Variants in NRG1 observed in about 807,000 individuals in gnomAD.
NRG1 encodes neuregulin 1.
A neutral mutation model predicts 63.8 loss-of-function variants in NRG1; 18 were observed. The ratio of observed to expected loss-of-function variants is 0.28; its 90% CI spans 0.19 to 0.42. The LOEUF is 0.42. Ranked by LOEUF, NRG1 falls within the 10% of genes least tolerant of loss-of-function variation. The pLI, the probability that NRG1 is intolerant of heterozygous loss-of-function variation, is 1.00. For synonymous variants in NRG1, 302 were observed against 301.3 expected, an observed-to-expected ratio of 1.00 and a Z score of -0.02; for missense variants, 762 against 814.7, an observed-to-expected ratio of 0.94 and a Z score of 0.79.
intron 1 of NRG1, among the ~76,000 whole-genome samples, chr8:32,180,651 A>C (rs1273345997): frequency 6.6e-6 from 1 of 152,110 alleles, no homozygotes; most frequent in African/African-American, 2.4e-5. Context: ...TAAAACATAT[A>C]TATGTATATT....
chr8:31,853,246 T>C (rs970155232), intron 1 of NRG1, among the ~76,000 whole-genome samples: 17 of 152,200 alleles, frequency 1.1e-4, no homozygotes, highest in Admixed American at 7.2e-4. Flanking sequence ...CCCATGAGCA[T>C]GGAATGTTCT....
intron 7 of NRG1, among the ~76,000 whole-genome samples, chr8:32,752,258 C>T (rs1451565602): frequency 1.3e-5 from 2 of 152,046 alleles, no homozygotes; most frequent in African/African-American, 2.4e-5. Context: ...GATCAGGATA[C>T]CAAGATCAGG....
chr8:32,155,851 A>G (rs550659320), intron 1 of NRG1, among the ~76,000 whole-genome samples: 122 of 152,276 alleles, frequency 8.0e-4, no homozygotes, highest in Middle Eastern at 3.4e-3. Context: ...CTTTTGAATA[A>G]TTCACCAAGT....
chr8:31,919,343 C>G (rs569956174), intron 1 of NRG1, among the ~76,000 whole-genome samples: 1 of 149,732 alleles, frequency 6.7e-6, no homozygotes, highest in African/African-American at 2.4e-5. Flanking sequence ...TCCACTTACG[C>G]TTTTCAACCA....
At chr8:31,953,811 C>A (rs1475228439) in intron 1 of NRG1, among the ~76,000 whole-genome samples, 2 of 152,098 alleles carry the variant, frequency 1.3e-5, no homozygotes, top group Admixed American at 6.5e-5. Context: ...AAAAGTTGAA[C>A]ATCAAGAATG....
chr8:32,281,528 C>A lies in NRG1; in HGVS notation c.38-314300C>A, dbSNP rs144039240. ...CCCAACCTCCAACCTCAAGTAGCCT[C>A]CCCCCAACAGTGTCTATTGTTCCCT... is the stretch of plus-strand genomic sequence containing the variant. On this transcript the variant is annotated intron_variant, in intron 1 of 10. Transcript: ENST00000519301. Among the ~76,000 whole-genome samples the A allele has an allele frequency of 3.5e-4, 53 of 152,114 alleles. 3 individuals are homozygous for A. The highest frequency in any genetic ancestry group is 1.3e-3 in the African/African-American group (53 of 41,518).
At chr8:31,991,792 CCTT>C (rs1347650029) in intron 1 of NRG1, among the ~76,000 whole-genome samples, 1 of 151,854 alleles carries the variant, frequency 6.6e-6, no homozygotes, top group Non-Finnish European at 1.5e-5. Context: ...TCCCTTTTCT[CCTT>C]CTCTTTCTTT....
chr8:32,271,860 A>G (rs1280258158), intron 1 of NRG1, among the ~76,000 whole-genome samples: 2 of 152,146 alleles, frequency 1.3e-5, no homozygotes, highest in African/African-American at 4.8e-5. Context: ...CCCTGAATGC[A>G]TCTTCAATAC....
intron 1 of NRG1, among the ~76,000 whole-genome samples, chr8:31,802,024 T>G (rs1179840132): frequency 1.3e-5 from 2 of 152,196 alleles, no homozygotes; most frequent in Non-Finnish European, 2.9e-5. Context: ...GGAAAGCTCT[T>G]GTATCAAAAT....
At chr8:32,158,443 T>A (rs1838393418) in intron 1 of NRG1, among the ~76,000 whole-genome samples, 1 of 34,840 alleles carries the variant, frequency 2.9e-5, no homozygotes, top group Non-Finnish European at 6.7e-5. Flanking sequence ...TTGTTTGGTT[T>A]ACATGATATA....
intron 1 of NRG1, among the ~76,000 whole-genome samples, chr8:31,974,259 G>A (rs1313086311): frequency 6.6e-6 from 1 of 152,028 alleles, no homozygotes; most frequent in African/African-American, 2.4e-5. Context: ...TCCAACTCCT[G>A]GGCTCAAGTG....
intron 1 of NRG1, among the ~76,000 whole-genome samples, chr8:32,043,168 A>G (rs1213027396): frequency 6.6e-6 from 1 of 152,082 alleles, no homozygotes; most frequent in Non-Finnish European, 1.5e-5. Context: ...AACTAAAGAC[A>G]AAGAGAAACC....
chr8:32,300,010 C>G lies in NRG1; in HGVS notation c.38-295818C>G, dbSNP rs142782279. 1.2e-4 allele frequency among the ~76,000 whole-genome samples: 18 copies of G among 152,226 alleles called. No individual in the cohort carries two copies. In the East Asian group the frequency reaches 1.4e-3, roughly 11 times the overall value. On this transcript the variant is annotated intron_variant, in intron 1 of 10. Coordinates refer to the NRG1 transcript ENST00000519301. ...TTGAATCATTTTGGATGGAGGAGAA[C>G]ATATAAATAATTGAACAATAGGAGC...
At chr8:32,412,415 T>TA (rs1815105158) in intron 1 of NRG1, among the ~76,000 whole-genome samples, 1 of 127,068 alleles carries the variant, frequency 7.9e-6, no homozygotes. Context: ...TCTCTCTCTC[T>TA]CTCTCTACAT....
At chr8:32,656,280 A>C (rs1232458502) in intron 5 of NRG1, among the ~76,000 whole-genome samples, 6 of 152,122 alleles carry the variant, frequency 3.9e-5, no homozygotes, top group Non-Finnish European at 5.9e-5. Context: ...GGGGTGGACA[A>C]AAAAACTTCT....
chr8:32,030,462 A>G (rs1818094592), intron 1 of NRG1: 1 of 152,200 alleles, frequency 6.6e-6, no homozygotes, highest in African/African-American at 2.4e-5. Context: ...CTTCTAAGGT[A>G]TAAATTACCT....
At chr8:32,147,434 A>G (rs1030313629) in intron 1 of NRG1, among the ~76,000 whole-genome samples, 5 of 152,252 alleles carry the variant, frequency 3.3e-5, no homozygotes, top group Non-Finnish European at 7.3e-5. Context: ...GTCACTAAAA[A>G]TGAAAATGTA....
intron 1 of NRG1, among the ~76,000 whole-genome samples, chr8:31,943,373 G>A (rs375764112): frequency 1.5e-4 from 23 of 152,098 alleles, no homozygotes; most frequent in East Asian, 1.4e-3. Context: ...TGGACTTCGG[G>A]GACTTGCAGG....
intron 1 of NRG1, among the ~76,000 whole-genome samples, chr8:31,873,467 G>A (rs893932477): frequency 1.3e-5 from 2 of 152,180 alleles, no homozygotes; most frequent in African/African-American, 4.8e-5. Context: ...GCTGAGGCAG[G>A]AGAATCGCTT....
Sources: gnomAD v4.1 joint callset for allele counts (sites outside exome capture counted in the v4.1 genomes callset) on GRCh38, gnomAD v4.1.1 for gene constraint, MANE v1.5 for transcripts, NCBI Gene and HGNC (gene_info 2026-07-23, HGNC 2026-07-21) for gene names.